Variants in PRKCH observed in about 807,000 individuals in gnomAD.
PRKCH encodes the protein protein kinase C eta.
PRKCH carries 28 observed loss-of-function variants against 82.5 expected under a neutral mutation model. The ratio of observed to expected loss-of-function variants is 0.34; its 90% CI spans 0.25 to 0.47. The LOEUF is 0.47. Ranked by LOEUF, PRKCH falls within the 20% of genes least tolerant of loss-of-function variation. The pLI is 1.00. For synonymous variants in PRKCH, 322 were observed against 327.4 expected, an observed-to-expected ratio of 0.98 and a Z score of 0.18; for missense variants, 705 against 881.8, an observed-to-expected ratio of 0.80 and a Z score of 2.54.
intron 1 of PRKCH, among the ~76,000 whole-genome samples, chr14:61,190,954 A>G (rs2044403531): frequency 6.6e-6 from 1 of 152,240 alleles, no homozygotes; most frequent in South Asian, 2.1e-4. Flanking sequence ...GGTGAAAAAA[A>G]TAACTTGTAA....
chr14:61,271,429 TCA>T (rs2045153150), intron 1 of PRKCH, among the ~76,000 whole-genome samples: 1 of 152,194 alleles, frequency 6.6e-6, no homozygotes, highest in South Asian at 2.1e-4. Context: ...CAGTTCTTTT[TCA>T]GGGCTGTCTT....
At chr14:61,445,031 T>C (rs1884155457) in intron 3 of PRKCH, among the ~76,000 whole-genome samples, 1 of 152,220 alleles carries the variant, frequency 6.6e-6, no homozygotes, top group Non-Finnish European at 1.5e-5. Context: ...AATGAAATGG[T>C]ATATATCAGC....
chr14:61,439,304 G>A (rs1170971278), intron 2 of PRKCH, among the ~76,000 whole-genome samples: 1 of 152,150 alleles, frequency 6.6e-6, no homozygotes, highest in Non-Finnish European at 1.5e-5. Context: ...AAGAGCGTGT[G>A]GGAGAGCTGT....
intron 12 of PRKCH, among the ~76,000 whole-genome samples, chr14:61,531,421 T>C (rs938907160): frequency 1.3e-5 from 2 of 152,238 alleles, no homozygotes; most frequent in Non-Finnish European, 2.9e-5. Flanking sequence ...TAAGAATTAC[T>C]ATCCTTAAGT....
chr14:61,213,794 T>G (rs2044599079), intron 1 of PRKCH, among the ~76,000 whole-genome samples: 1 of 152,234 alleles, frequency 6.6e-6, no homozygotes. Context: ...CAAAATGGAC[T>G]GACCATGTAA....
intron 1 of PRKCH, chr14:61,298,683 C>A (rs1052862932): frequency 1.3e-5 from 2 of 152,054 alleles, no homozygotes; most frequent in Non-Finnish European, 2.9e-5. Context: ...TGTTTCAGTA[C>A]GTAGATATCT....
intron 2 of PRKCH, among the ~76,000 whole-genome samples, chr14:61,436,840 A>G (rs1407499131): frequency 6.6e-6 from 1 of 152,238 alleles, no homozygotes; most frequent in African/African-American, 2.4e-5. Flanking sequence ...CCTTGCTGCC[A>G]TTTTTAAATA....
Position 61,549,732 on chromosome 14 carries a change from A to G in PRKCH, c.1953A>G (p.Glu651=), listed in dbSNP as rs2043303175. Residue 651 remains glutamate, a synonymous_variant, in exon 14 of 14, where the codon GAA becomes GAG. Coordinates refer to ENST00000332981, the MANE Select transcript of PRKCH (RefSeq NM_006255.5). ...ATTTTGACCCTGACTTCATAAAGGA[A>G]GAGCCAGTTTTAACTCCAATTGATG... The part of the protein sequence containing the change: ...VSNFDPDFIK[E]EPVLTPIDEG... 1 of 1,613,954 alleles carries G rather than the reference A, an allele frequency of 6.2e-7. No individual in the cohort carries two copies. The highest frequency in any genetic ancestry group is 1.1e-5 in the South Asian group (1 of 91,082).
Position 61,399,155 on chromosome 14 carries a change from G to T in PRKCH, c.427+7867G>T, listed in dbSNP as rs149075017. Among the ~76,000 whole-genome samples, 4 of 152,298 alleles carry T rather than the reference G, an allele frequency of 2.6e-5. No individual in the cohort carries two copies. In the East Asian group the frequency reaches 7.7e-4, roughly 29 times the overall value. On this transcript the variant is annotated intron_variant, in intron 2 of 13. Transcript: ENST00000332981. ...AGGAGATGGGATAGAATTGAAACCC[G>T]ATTAGCCATGAGTTGTTTACTGAAG...
intron 10 of PRKCH, among the ~76,000 whole-genome samples, chr14:61,497,524 G>A (rs1463607585): frequency 6.6e-6 from 1 of 152,224 alleles, no homozygotes; most frequent in Admixed American, 6.5e-5. Flanking sequence ...TAGATCTTAA[G>A]TGCACAATTG....
At chr14:61,265,436 G>A (rs534554786) in intron 1 of PRKCH, among the ~76,000 whole-genome samples, 3 of 152,138 alleles carry the variant, frequency 2.0e-5, no homozygotes, top group Admixed American at 1.3e-4. Flanking sequence ...AGCCAAGATC[G>A]TGCCGTTGCA....
At chr14:61,463,898 G>A (rs1232982679) in intron 9 of PRKCH, among the ~76,000 whole-genome samples, 1 of 152,208 alleles carries the variant, frequency 6.6e-6, no homozygotes, top group Non-Finnish European at 1.5e-5. Flanking sequence ...ATGACAGGAT[G>A]TCTTTCTTTT....
intron 10 of PRKCH, among the ~76,000 whole-genome samples, chr14:61,507,040 G>A (rs1439840557): frequency 6.6e-6 from 1 of 152,124 alleles, no homozygotes; most frequent in Non-Finnish European, 1.5e-5. Context: ...TTGCAGATCT[G>A]ATAAGGGGTT....
At chr14:61,546,026 G>A (rs1211076462) in intron 12 of PRKCH, among the ~76,000 whole-genome samples, 1 of 152,236 alleles carries the variant, frequency 6.6e-6, no homozygotes, top group Non-Finnish European at 1.5e-5. Flanking sequence ...TGTCTCCCAA[G>A]TTTTTTGCAG....
chr14:61,304,091 T>G (rs2045466968), intron 1 of PRKCH: 1 of 152,152 alleles, frequency 6.6e-6, no homozygotes, highest in Non-Finnish European at 1.5e-5. Context: ...AACAGTCTGT[T>G]TAGAGTTAAT....
chr14:61,529,913 A>ATAT (rs1555396322), intron 11 of PRKCH, among the ~76,000 whole-genome samples: 59 of 125,690 alleles, frequency 4.7e-4, no homozygotes, highest in South Asian at 2.5e-3. Context: ...AATAAAAAAA[A>ATAT]ATATATATAT....
chr14:61,236,725 A>AG (rs919109606), intron 1 of PRKCH, among the ~76,000 whole-genome samples: 3 of 148,678 alleles, frequency 2.0e-5, no homozygotes, highest in Non-Finnish European at 4.5e-5. Context: ...AAAAAAAAAA[A>AG]AAAAAAGAAA....
chr14:61,322,018 C>A lies in PRKCH; in HGVS notation c.-84C>A, dbSNP rs1018719512. The A allele has an allele frequency of 9.1e-6, 13 of 1,426,838 alleles. No individual in the cohort carries two copies. Among genetic ancestry groups the A allele is most frequent in the Non-Finnish European group, 1.2e-5 (13 of 1,071,944 alleles). The allele number at this position is 1,426,838 out of a possible 1,614,324, so 88.4% of individuals were successfully genotyped here. On this transcript the variant is annotated 5_prime_UTR_variant, in exon 1 of 14. Coordinates refer to ENST00000332981, the MANE Select transcript of PRKCH (RefSeq NM_006255.5). ...GGGCTGCCTCGACTCCTGCACCTGT[C>A]CCGAGGGCTGGCCTGAGACGGGACT... is the stretch of plus-strand genomic sequence containing the variant.
chr14:61,302,773 A>C (rs1276260602), intron 1 of PRKCH, among the ~76,000 whole-genome samples: 2 of 152,170 alleles, frequency 1.3e-5, no homozygotes, highest in Non-Finnish European at 2.9e-5. Context: ...GAAATTTATT[A>C]AGCCACATTT....
Sources: allele counts gnomAD v4.1 joint callset (sites outside exome capture counted in the v4.1 genomes callset), GRCh38; gene constraint gnomAD v4.1.1; transcripts MANE v1.5; gene names NCBI Gene and HGNC (gene_info 2026-07-23, HGNC 2026-07-21).